The following STIP1 variants were observed in gnomAD, a reference collection of about 807,000 sequenced individuals.
STIP1 encodes stress-induced-phosphoprotein 1.
A neutral mutation model predicts 77.4 loss-of-function variants in STIP1; 16 were observed. The ratio of observed to expected loss-of-function variants is 0.21; its 90% CI spans 0.14 to 0.31. STIP1 has a LOEUF of 0.31. STIP1 is among the 10% of genes least tolerant of loss of function. The pLI is 1.00. For missense variants in STIP1, 524 were observed against 684.8 expected, an observed-to-expected ratio of 0.77 and a Z score of 2.62; for synonymous variants, 258 against 246.6, an observed-to-expected ratio of 1.05 and a Z score of -0.44.
rs1176651850 is a variant in STIP1, at chr11:64,204,324, G to A, written c.*198G>A. ...CTGCCTCTGGGCCCTCCCAGCACAC[G>A]CATGGTCTCTTCACCGCTGCCCTCG... is the stretch of plus-strand genomic sequence containing the variant. On this transcript the variant is annotated 3_prime_UTR_variant, in exon 14 of 14. Transcript: ENST00000305218. The A allele has an allele frequency of 3.8e-5, 22 of 584,880 alleles. No individual in the cohort carries two copies. The highest frequency in any genetic ancestry group is 5.7e-5 in the Non-Finnish European group (19 of 336,114). 36.2% of individuals were successfully genotyped at this position (584,880 alleles called of 1,614,324 possible). A position where few individuals can be genotyped will look rare whatever the true frequency, so the allele number is the denominator to read the frequency against.
At chr11:64,199,788 C>T (rs548589301) in intron 8 of STIP1, 152 bp from the exon 9 acceptor site, 1 of 676,354 alleles carries the variant, frequency 1.5e-6, no homozygotes, top group Non-Finnish European at 2.4e-6. Flanking sequence ...TGGTCTCGAT[C>T]TCCTGACCTC....
chr11:64,203,747 C>T (rs1348595964), intron 13 of STIP1, 125 bp downstream of exon 13: 2 of 1,330,296 alleles, frequency 1.5e-6, no homozygotes, highest in South Asian at 1.3e-5. Flanking sequence ...TCTTCCTAAA[C>T]TTAAGGAGAT....
At chr11:64,191,884 A>G (rs6591838) in intron 1 of STIP1, among the ~76,000 whole-genome samples, 35,460 of 151,918 alleles carry the variant, frequency 0.23, 4,266 homozygotes, top group South Asian at 0.31. Context: ...CAACAGAGGC[A>G]CACCTCACTT....
In STIP1 at chr11:64,200,200, A is replaced by G. The variant is rs1018792129; in HGVS notation, c.1152A>G (p.Thr384=). The G allele has an allele frequency of 1.9e-6, 3 of 1,614,118 alleles. No individual in the cohort carries two copies. The highest frequency in any genetic ancestry group is 2.5e-6 in the Non-Finnish European group (3 of 1,179,994). Residue 384 remains threonine (T), a synonymous_variant, in exon 10 of 14, where the codon ACA becomes ACG. Coordinates refer to ENST00000305218, the MANE Select transcript of STIP1 (RefSeq NM_006819.3). Reference sequence around the variant, plus strand: ...ATCCCCAGGCCATGAAGCATTATACAGAAGCCATCAAAAGGAACCCGAAAG... The same window carrying G: ...ATCCCCAGGCCATGAAGCATTATACGGAAGCCATCAAAAGGAACCCGAAAG... The part of the protein sequence containing the change: ...GDYPQAMKHY[T]EAIKRNPKDA...
chr11:64,188,860 A>G (rs911829670), intron 1 of STIP1, among the ~76,000 whole-genome samples: 8 of 152,322 alleles, frequency 5.3e-5, no homozygotes, highest in African/African-American at 1.9e-4. Flanking sequence ...CCTGAAAACA[A>G]ACACGATTTC....
At chr11:64,203,796 T>G in intron 13 of STIP1, 174 bp downstream of exon 13, 1 of 794,522 alleles carries the variant, frequency 1.3e-6, no homozygotes, top group Non-Finnish European at 2.0e-6. Context: ...TTGTTAGTCG[T>G]GATAGCTTAA....
At position 64,203,206 on chromosome 11, in the gene STIP1, T is replaced by A. The variant is rs1408367075; in HGVS notation, c.1364T>A (p.Leu455Gln). ...TKAMDVYQKA[L>Q]DLDSSCKEAA... is the part of the protein sequence containing the mutation. ...GCCATGGATGTGTACCAGAAGGCGCTAGACCTGGACTCCAGCTGTAAGGTG... is the reference window on the plus strand; with the variant it reads ...GCCATGGATGTGTACCAGAAGGCGCAAGACCTGGACTCCAGCTGTAAGGTG... Residue 455 changes from leucine (L) to glutamine (Q), a missense_variant, in exon 12 of 14, where the codon CTA becomes CAA. Transcript: ENST00000305218. 1.9e-6 allele frequency: 3 copies of A among 1,614,104 alleles called. No homozygotes were observed. In the South Asian group the frequency reaches 3.3e-5, roughly 18 times the overall value.
chr11:64,185,584 G>A (rs1946000250), upstream of STIP1: 1 of 561,984 alleles, frequency 1.8e-6, no homozygotes, highest in Non-Finnish European at 3.1e-6. Context: ...GCCCTGTGCC[G>A]CTGGCGATCC....
In STIP1 at chr11:64,197,415, G is replaced by A. The variant is rs1224000659; in HGVS notation, c.799+18G>A. Reference sequence around the variant, plus strand: ...TCAAGCAGGTGAGGCCCAGAAACAAGGGGCAAGGGAATTGTTGGGTGTCTC... The same window carrying A: ...TCAAGCAGGTGAGGCCCAGAAACAAAGGGCAAGGGAATTGTTGGGTGTCTC... On this transcript the variant is annotated intron_variant, in intron 6 of 13. Transcript: ENST00000305218. 2 of 1,614,082 alleles carry A rather than the reference G, an allele frequency of 1.2e-6. No individual in the cohort carries two copies. Among genetic ancestry groups the A allele is most frequent in the Non-Finnish European group, 8.5e-7 (1 of 1,180,036 alleles).
chr11:64,187,385 T>C (rs1946035634), intron 1 of STIP1, among the ~76,000 whole-genome samples: 2 of 151,952 alleles, frequency 1.3e-5, no homozygotes, highest in Non-Finnish European at 2.9e-5. Context: ...GTGACAATTC[T>C]GAAACTATAC....
chr11:64,185,541 A>AC (rs1402371451), upstream of STIP1: 3 of 458,344 alleles, frequency 6.5e-6, no homozygotes, highest in South Asian at 2.7e-5. Flanking sequence ...ACCGGCTAGG[A>AC]CCCCCATCCC....
chr11:64,187,474 C>T (rs778781514), intron 1 of STIP1, among the ~76,000 whole-genome samples: 3 of 152,198 alleles, frequency 2.0e-5, no homozygotes, highest in Non-Finnish European at 4.4e-5. Flanking sequence ...TCTCGATGGA[C>T]TAGTGACTAC....
Position 64,197,977 on chromosome 11 carries a change from G to A in STIP1, c.1023+3G>A. The A allele has an allele frequency of 6.2e-7, 1 of 1,611,054 alleles. No homozygotes were observed. The highest frequency in any genetic ancestry group is 2.2e-5 in the East Asian group (1 of 44,870). On this transcript the variant is annotated splice_donor_region_variant and intron_variant, in intron 8 of 13. Transcript: ENST00000305218. ...ATGTGCTCAAGAAATGCCAGCAGGTGCGTAGGAAAAGAATAGGGGTATTTT... is the reference window on the plus strand; with the variant it reads ...ATGTGCTCAAGAAATGCCAGCAGGTACGTAGGAAAAGAATAGGGGTATTTT...
intron 1 of STIP1, among the ~76,000 whole-genome samples, chr11:64,190,016 T>TTTC (rs1565277903): frequency 6.6e-6 from 1 of 151,796 alleles, no homozygotes; most frequent in African/African-American, 2.4e-5. Context: ...TTTTTTTTTT[T>TTTC]TCCAAATAGA....
At chr11:64,185,874 G>C, upstream of STIP1, 1 of 1,536,208 alleles carries the variant, frequency 6.5e-7, no homozygotes, top group Non-Finnish European at 8.7e-7. Flanking sequence ...AGAACGATCA[G>C]AACCAATGGG....
In STIP1 at chr11:64,194,172, G is replaced by C; in HGVS notation, c.220-17G>C. 1.2e-6 allele frequency: 2 copies of C among 1,607,782 alleles called. No homozygotes were observed. Among genetic ancestry groups the C allele is most frequent in the Non-Finnish European group, 1.7e-6 (2 of 1,178,214 alleles). On this transcript the variant is annotated splice_polypyrimidine_tract_variant and intron_variant, in intron 2 of 13. Transcript: ENST00000305218. ...TCTGGGTGTTCTCTATTTTGTGTCT[G>C]TCTTTGGTGGTTTAAGGGCTATTCA...
chr11:64,185,657 A>T (rs538687379), upstream of STIP1: 2 of 921,246 alleles, frequency 2.2e-6, no homozygotes, highest in Non-Finnish European at 3.2e-6. Flanking sequence ...GAGGCCCCGC[A>T]GCCGCCGGCG....
chr11:64,203,786 T>G, intron 13 of STIP1, 164 bp downstream of exon 13: 1 of 928,614 alleles, frequency 1.1e-6, no homozygotes, highest in Non-Finnish European at 1.6e-6. Context: ...TGGAAGGGCT[T>G]TGTTAGTCGT....
intron 8 of STIP1, 143 bp from the exon 9 acceptor site, chr11:64,199,797 T>A (rs1178413872): frequency 4.0e-6 from 3 of 751,678 alleles, no homozygotes; most frequent in Non-Finnish European, 6.3e-6. Context: ...TCTCCTGACC[T>A]CGTGATCCAC....
Sources: allele counts gnomAD v4.1 joint callset (sites outside exome capture counted in the v4.1 genomes callset), GRCh38; gene constraint gnomAD v4.1.1; transcripts MANE v1.5; gene names NCBI Gene and HGNC (gene_info 2026-07-23, HGNC 2026-07-21).